Variants in KLHL13 observed in about 807,000 individuals in gnomAD.
The protein encoded by KLHL13 is kelch-like protein 13.
In KLHL13, 10 loss-of-function variants were observed where a neutral mutation model predicts 37.1. That is an observed-to-expected ratio of 0.27 (90% CI 0.17 to 0.46). KLHL13 has a LOEUF of 0.46. Among genes scored for constraint, KLHL13 ranks in the 20% least tolerant of loss-of-function variants. KLHL13 has a pLI of 1.00. For synonymous variants in KLHL13, 163 were observed against 181.2 expected, an observed-to-expected ratio of 0.90 and a Z score of 0.81; for missense variants, 360 against 509.3, an observed-to-expected ratio of 0.71 and a Z score of 2.82.
intron 1 of KLHL13, among the ~76,000 whole-genome samples, chrX:118,085,650 A>G (rs1051220710): frequency 2.7e-5 from 3 of 110,237 alleles, no homozygotes; most frequent in Non-Finnish European, 5.7e-5. Flanking sequence ...GAATACCCCT[A>G]GCTTAGCTCC....
chrX:118,072,313 T>C (rs1319810308), intron 1 of KLHL13, among the ~76,000 whole-genome samples: 1 of 112,918 alleles, frequency 8.9e-6, no homozygotes, highest in Non-Finnish European at 1.9e-5. Flanking sequence ...TCCTTACACC[T>C]TATACAAAAA....
intron 2 of KLHL13, among the ~76,000 whole-genome samples, chrX:117,924,618 A>G (rs934996064): frequency 9.0e-5 from 10 of 111,548 alleles, no homozygotes; most frequent in Non-Finnish European, 1.9e-4. Context: ...GTTTCTAATT[A>G]GTTTTTCAGA....
intron 1 of KLHL13, among the ~76,000 whole-genome samples, chrX:118,009,015 T>C (rs12841154): frequency 0.23 from 25,314 of 111,271 alleles, 4,531 homozygotes; most frequent in African/African-American, 0.62. Context: ...GACTTCAATC[T>C]CTCCTAACAA....
At chrX:117,917,971 G>T (rs1024717134) in intron 4 of KLHL13, among the ~76,000 whole-genome samples, 1 of 111,874 alleles carries the variant, frequency 8.9e-6, no homozygotes, top group Non-Finnish European at 1.9e-5. Context: ...TCCTTGAAAT[G>T]AAGTTGTTAT....
In KLHL13 at chrX:118,095,537, G is replaced by A. The variant is rs767086366; in HGVS notation, c.-56+20971C>T. ...AATTGAACTCAGCCCTGCACCAAGCGGACCTAACAGACATCTACAGAACTC... is the reference window on the plus strand; with the variant it reads ...AATTGAACTCAGCCCTGCACCAAGCAGACCTAACAGACATCTACAGAACTC... On this transcript the variant is annotated intron_variant, in intron 1 of 6. Transcript: ENST00000371882. 1.4e-4 allele frequency among the ~76,000 whole-genome samples: 16 copies of A among 111,166 alleles called. No individual in the cohort carries two copies. In the East Asian group the frequency reaches 2.8e-3, roughly 19 times the overall value.
intron 1 of KLHL13, among the ~76,000 whole-genome samples, chrX:117,997,690 T>C (rs1322322874): frequency 9.0e-6 from 1 of 111,582 alleles, no homozygotes; most frequent in Non-Finnish European, 1.9e-5. Context: ...TTGGAAATAA[T>C]CCATGAATCC....
At chrX:117,953,459 C>T (rs190866041) in intron 1 of KLHL13, among the ~76,000 whole-genome samples, 330 of 110,672 alleles carry the variant, frequency 3.0e-3, no homozygotes, top group Non-Finnish European at 4.9e-3. Context: ...TGCTAAATGA[C>T]GAGTTAATGG....
chrX:118,005,103 T>C (rs1292430569), intron 1 of KLHL13, among the ~76,000 whole-genome samples: 1 of 111,695 alleles, frequency 9.0e-6, no homozygotes, highest in Non-Finnish European at 1.9e-5. Flanking sequence ...TTGGGATAAC[T>C]GGAAAAAATT....
chrX:117,975,712 A>G (rs891783693), upstream of KLHL13, among the ~76,000 whole-genome samples: 13 of 112,056 alleles, frequency 1.2e-4, no homozygotes, highest in African/African-American at 3.2e-4. Flanking sequence ...CTGAGAATGA[A>G]GATCCAAAAA....
exon 4 of KLHL13, chrX:117,919,652 T>G: frequency 4.1e-6 from 5 of 1,207,883 alleles, no homozygotes; most frequent in Non-Finnish European, 5.6e-6. Context: ...TCAATAATTT[T>G]CCTTAGACCG....
intron 1 of KLHL13, among the ~76,000 whole-genome samples, chrX:118,095,920 T>G (rs2055200061): frequency 9.0e-6 from 1 of 110,867 alleles, no homozygotes; most frequent in African/African-American, 3.3e-5. Flanking sequence ...CTGGGACACA[T>G]TCAAAGCAGT....
At chrX:118,004,902 G>A (rs966755298) in intron 1 of KLHL13, among the ~76,000 whole-genome samples, 2 of 111,363 alleles carry the variant, frequency 1.8e-5, no homozygotes, top group African/African-American at 6.5e-5. Flanking sequence ...ATATCATGAG[G>A]AACAATTAAG....
chrX:118,085,958 G>C (rs1266075055), intron 1 of KLHL13, among the ~76,000 whole-genome samples: 2 of 108,654 alleles, frequency 1.8e-5, no homozygotes, highest in Non-Finnish European at 3.8e-5. Context: ...TTTTTTTTGA[G>C]ACGGAGTTTT....
intron 1 of KLHL13, among the ~76,000 whole-genome samples, chrX:118,052,667 A>G (rs925365930): frequency 1.8e-5 from 2 of 110,108 alleles, no homozygotes; most frequent in Non-Finnish European, 3.8e-5. Context: ...CTCTACTAAA[A>G]AAAAAACAAA....
intron 1 of KLHL13, among the ~76,000 whole-genome samples, chrX:118,033,616 G>A (rs1360743820): frequency 9.1e-6 from 1 of 109,351 alleles, no homozygotes; most frequent in Non-Finnish European, 1.9e-5. Flanking sequence ...GGAACAACCG[G>A]TACCAGCTGC....
At chrX:118,008,853 G>A in intron 1 of KLHL13, among the ~76,000 whole-genome samples, 1 of 111,372 alleles carries the variant, frequency 9.0e-6, no homozygotes, top group African/African-American at 3.3e-5. Flanking sequence ...TTGTAAAATG[G>A]GAATAATAAT....
At chrX:118,001,733 C>T (rs933248797) in intron 1 of KLHL13, among the ~76,000 whole-genome samples, 16 of 110,268 alleles carry the variant, frequency 1.5e-4, no homozygotes, top group African/African-American at 5.3e-4. Context: ...GGCATGGTGG[C>T]ACATGCCTGT....
chrX:118,085,428 T>C lies in KLHL13; in HGVS notation c.-56+31080A>G, dbSNP rs189827619. On this transcript the variant is annotated intron_variant, in intron 1 of 6. Transcript: ENST00000371882. ...AACAAATGGGATGAGTAAAAGGAGATAGATATATATATATATTTCAATAGT... is the reference window on the plus strand; with the variant it reads ...AACAAATGGGATGAGTAAAAGGAGACAGATATATATATATATTTCAATAGT... Among the ~76,000 whole-genome samples the C allele has an allele frequency of 2.1e-4, 23 of 110,409 alleles. No homozygotes were observed. In the East Asian group the frequency reaches 4.9e-3, roughly 23 times the overall value.
intron 1 of KLHL13, among the ~76,000 whole-genome samples, chrX:118,069,921 T>C (rs2054839707): frequency 8.9e-6 from 1 of 112,540 alleles, no homozygotes; most frequent in Non-Finnish European, 1.9e-5. Flanking sequence ...GCTCCATTCA[T>C]GATAAATGCC....
Sources: allele counts gnomAD v4.1 joint callset (sites outside exome capture counted in the v4.1 genomes callset), GRCh38; gene constraint gnomAD v4.1.1; transcripts MANE v1.5; gene names NCBI Gene and HGNC (gene_info 2026-07-23, HGNC 2026-07-21).